RECQL: variants seen among roughly 807,000 people sequenced by gnomAD.
RECQL encodes the protein ATP-dependent DNA helicase Q1.
In RECQL, 73 loss-of-function variants were observed where a neutral mutation model predicts 75.8. The ratio of observed to expected loss-of-function variants is 0.96; its 90% CI spans 0.80 to 1.17. RECQL has a LOEUF of 1.17. RECQL is among the 50% of genes most tolerant of loss of function. The pLI is 0.00. For synonymous variants in RECQL, 248 were observed against 254.4 expected, an observed-to-expected ratio of 0.97 and a Z score of 0.24; for missense variants, 699 against 772.1, an observed-to-expected ratio of 0.91 and a Z score of 1.12.
At chr12:21,482,698 G>A (rs1943215100) in intron 6 of RECQL, among the ~76,000 whole-genome samples, 1 of 152,144 alleles carries the variant, frequency 6.6e-6, no homozygotes, top group South Asian at 2.1e-4. Context: ...ACAGGAGCCT[G>A]GATAAATAAG....
rs1943385405 is a variant in RECQL, at chr12:21,490,292, TAA to T, written c.299_300del (p.Ile100LysfsTer65). ...ACCTCCTTTCCAGCCATTGTTACGT[TAA>T]TAGTTTCAAGCTGAAGTGGTCTGAA... Reference protein sequence around the residue: ...EKFRPLQLETINVTMAGKEVF... With the variant: ...EKFRPLQLETXNVTMAGKEVF... On this transcript the variant is annotated frameshift_variant, in exon 4 of 15. Transcript: ENST00000444129. LOFTEE classifies it high-confidence loss of function. The T allele has an allele frequency of 6.2e-7, 1 of 1,612,714 alleles. No individual in the cohort carries two copies. The highest frequency in any genetic ancestry group is 8.5e-7 in the Non-Finnish European group (1 of 1,179,008).
chr12:21,493,854 C>T (rs1943455834), intron 2 of RECQL, among the ~76,000 whole-genome samples: 1 of 152,168 alleles, frequency 6.6e-6, no homozygotes, highest in African/African-American at 2.4e-5. Context: ...GAGGATAAAA[C>T]ACAAAGATGT....
Position 21,475,724 on chromosome 12 carries a change from T to C in RECQL, c.1050A>G (p.Pro350=). The C allele has an allele frequency of 1.2e-6, 2 of 1,613,576 alleles. No homozygotes were observed. The highest frequency in any genetic ancestry group is 1.7e-6 in the Non-Finnish European group (2 of 1,179,588). ...TTCTATGAACTGTGGTCTTATCTTC[T>C]GGCTCCAAATTGGCATGGTAAGCAC... ...HAGAYHANLE[P]EDKTTVHRKW... Residue 350 remains proline, a synonymous_variant, in exon 9 of 15, where the codon CCA becomes CCG. Coordinates refer to ENST00000444129, the MANE Select transcript of RECQL (RefSeq NM_002907.4).
chr12:21,474,558 C>T (rs1217871199), intron 11 of RECQL, among the ~76,000 whole-genome samples: 1 of 152,016 alleles, frequency 6.6e-6, no homozygotes, highest in Admixed American at 6.6e-5. Flanking sequence ...TGTAACTGTA[C>T]AGCAGTGCCA....
At chr12:21,475,286 T>C (rs1176840750) in intron 10 of RECQL, among the ~76,000 whole-genome samples, 182 bp downstream of exon 10, 1 of 151,986 alleles carries the variant, frequency 6.6e-6, no homozygotes, top group East Asian at 1.9e-4. Context: ...AAAGAAACAA[T>C]TCAGATAACA....
At chr12:21,474,457 T>C (rs1296210649) in intron 11 of RECQL, among the ~76,000 whole-genome samples, 1 of 152,086 alleles carries the variant, frequency 6.6e-6, no homozygotes, top group Non-Finnish European at 1.5e-5. Context: ...TGGTATTTCA[T>C]TGACACATGA....
chr12:21,500,321 T>G (rs1321238360), intron 1 of RECQL, among the ~76,000 whole-genome samples: 1 of 152,134 alleles, frequency 6.6e-6, no homozygotes, highest in East Asian at 1.9e-4. Flanking sequence ...AGCATGCATA[T>G]GGACAAGTGG....
chr12:21,470,590 T>G, intron 14 of RECQL: 1 of 422,262 alleles, frequency 2.4e-6, no homozygotes, highest in Non-Finnish European at 4.0e-6. Context: ...GCACTTGACT[T>G]GACATGCTTT....
chr12:21,492,733 C>CAGAAGCCA (rs1396393803), intron 2 of RECQL, among the ~76,000 whole-genome samples: 1 of 152,120 alleles, frequency 6.6e-6, no homozygotes, highest in East Asian at 1.9e-4. Flanking sequence ...ACTTTGTGGA[C>CAGAAGCCA]GTGGGGCAGA....
At chr12:21,497,542 T>C (rs1458479583) in intron 2 of RECQL, among the ~76,000 whole-genome samples, 1 of 152,200 alleles carries the variant, frequency 6.6e-6, no homozygotes, top group African/African-American at 2.4e-5. Flanking sequence ...ATTGGCAGGA[T>C]GGTTAGCAAC....
At chr12:21,499,487 C>A in intron 2 of RECQL, 68 bp downstream of exon 2, 4 of 1,387,544 alleles carry the variant, frequency 2.9e-6, no homozygotes, top group Non-Finnish European at 3.9e-6. Context: ...TTAAAACAAA[C>A]TTTTTCAAAT....
In RECQL at chr12:21,468,912, A is replaced by C. The variant is rs1215262346; in HGVS notation, c.*1282T>G. The C allele has an allele frequency of 2.1e-5, 15 of 708,778 alleles. No homozygotes were observed. Among genetic ancestry groups the C allele is most frequent in the Non-Finnish European group, 3.3e-5 (15 of 448,814 alleles). 43.9% of individuals were successfully genotyped at this position (708,778 alleles called of 1,614,324 possible). A position where few individuals can be genotyped will look rare whatever the true frequency, so the allele number is the denominator to read the frequency against. On this transcript the variant is annotated 3_prime_UTR_variant, in exon 15 of 15. Coordinates refer to ENST00000444129, the MANE Select transcript of RECQL (RefSeq NM_002907.4). ...GAAAAATATAAAAACATAAATTCTA[A>C]GTTTGAAATCAGTTCAAAGTTTATT...
chr12:21,478,521 TTG>T (rs2137353757), intron 6 of RECQL, among the ~76,000 whole-genome samples: 1 of 152,110 alleles, frequency 6.6e-6, no homozygotes, highest in African/African-American at 2.4e-5. Context: ...AATACTTGAG[TTG>T]TGTCTTAAGA....
rs1209687790 is a variant in RECQL, at chr12:21,479,352, T to C, written c.701-1383A>G. ...AGGAAATGAGGAATCATCATGTAAT[T>C]TTTTTTTTTTTTTTTTTTGAGATGG... On this transcript the variant is annotated intron_variant, in intron 6 of 14. Transcript: ENST00000444129. 6.6e-4 allele frequency among the ~76,000 whole-genome samples: 17 copies of C among 25,710 alleles called. No individual in the cohort carries two copies. In the Admixed American group the frequency reaches 8.1e-3, roughly 12 times the overall value. 16.9% of individuals were successfully genotyped at this position (25,710 alleles called of 152,430 possible). A position where few individuals can be genotyped will look rare whatever the true frequency, so the allele number is the denominator to read the frequency against.
At chr12:21,491,368 TG>T (rs1185349382) in intron 3 of RECQL, 150 bp downstream of exon 3, 2 of 685,420 alleles carry the variant, frequency 2.9e-6, no homozygotes, top group Non-Finnish European at 2.4e-6. Context: ...AGGGAAAGAA[TG>T]ATCCACCTGC....
intron 5 of RECQL, 50 bp downstream of exon 5, chr12:21,486,429 T>C (rs1285202275): frequency 6.6e-7 from 1 of 1,518,836 alleles, no homozygotes; most frequent in Non-Finnish European, 8.8e-7. Flanking sequence ...GTAAAGCTCC[T>C]ATTTCAGTGA....
At chr12:21,496,369 A>G (rs2136774429) in intron 2 of RECQL, among the ~76,000 whole-genome samples, 1 of 152,376 alleles carries the variant, frequency 6.6e-6, no homozygotes, top group South Asian at 2.1e-4. Context: ...TGTACCTGTT[A>G]TTATAGCATA....
At chr12:21,474,782 G>C (rs894131109) in intron 11 of RECQL, 59 bp downstream of exon 11, 6 of 1,517,400 alleles carry the variant, frequency 4.0e-6, no homozygotes, top group Non-Finnish European at 5.5e-6. Context: ...TAAAAACGAT[G>C]TCATATACTT....
chr12:21,493,450 A>C (rs1943449194), intron 2 of RECQL, among the ~76,000 whole-genome samples: 1 of 151,998 alleles, frequency 6.6e-6, no homozygotes, highest in East Asian at 1.9e-4. Context: ...AGGGACCTCA[A>C]AGTTTCTATG....
Sources: gnomAD v4.1 joint callset for allele counts (sites outside exome capture counted in the v4.1 genomes callset) on GRCh38, gnomAD v4.1.1 for gene constraint, MANE v1.5 for transcripts, NCBI Gene and HGNC (gene_info 2026-07-23, HGNC 2026-07-21) for gene names.